PDZRN4: variants seen among roughly 807,000 people sequenced by gnomAD.
PDZRN4 encodes the protein PDZ domain containing ring finger 4.
In PDZRN4, 70 loss-of-function variants were observed where a neutral mutation model predicts 99.0. The ratio of observed to expected loss-of-function variants is 0.71; its 90% CI spans 0.58 to 0.86. PDZRN4 has a LOEUF of 0.86. Ranked by LOEUF, PDZRN4 falls within the 40% of genes least tolerant of loss-of-function variation. The pLI, the probability that PDZRN4 is intolerant of heterozygous loss-of-function variation, is 0.00. For synonymous variants in PDZRN4, 551 were observed against 501.6 expected, an observed-to-expected ratio of 1.10 and a Z score of -1.32; for missense variants, 1,474 against 1,331.2, an observed-to-expected ratio of 1.11 and a Z score of -1.67.
intron 3 of PDZRN4, among the ~76,000 whole-genome samples, chr12:41,286,541 T>C (rs1170438884): frequency 1.3e-5 from 2 of 152,166 alleles, no homozygotes; most frequent in East Asian, 1.9e-4. Context: ...TTGTGTACAA[T>C]GGCTGTTTCA....
intron 5 of PDZRN4, among the ~76,000 whole-genome samples, chr12:41,514,744 T>C (rs908861980): frequency 2.0e-5 from 3 of 152,120 alleles, no homozygotes; most frequent in Non-Finnish European, 4.4e-5. Context: ...GGAAAAGAAC[T>C]TGGGACCACT....
intron 3 of PDZRN4, among the ~76,000 whole-genome samples, chr12:41,496,043 G>T (rs1483098719): frequency 1.3e-5 from 2 of 152,076 alleles, no homozygotes; most frequent in Admixed American, 1.3e-4. Context: ...CAGATTGTAA[G>T]AGCAGGTGCC....
intron 3 of PDZRN4, among the ~76,000 whole-genome samples, chr12:41,417,595 G>T (rs767563078): frequency 6.6e-6 from 1 of 152,138 alleles, no homozygotes; most frequent in Non-Finnish European, 1.5e-5. Flanking sequence ...AGGCCACTAA[G>T]GATGCAATGT....
intron 3 of PDZRN4, among the ~76,000 whole-genome samples, chr12:41,429,400 A>G (rs1227254827): frequency 1.3e-5 from 2 of 152,230 alleles, no homozygotes. Flanking sequence ...CTTAGGTTTT[A>G]TTCAATCTGT....
intron 3 of PDZRN4, among the ~76,000 whole-genome samples, chr12:41,232,709 C>T (rs187480303): frequency 3.7e-4 from 57 of 152,046 alleles, no homozygotes; most frequent in Non-Finnish European, 8.8e-5. Context: ...CTTTTGTTGC[C>T]GTTGCTTTTG....
intron 3 of PDZRN4, among the ~76,000 whole-genome samples, chr12:41,383,853 G>C (rs1248588909): frequency 6.7e-6 from 1 of 149,718 alleles, no homozygotes; most frequent in East Asian, 1.9e-4. Flanking sequence ...TCATGGAATA[G>C]AGTAGTCAAT....
chr12:41,260,980 T>G lies in PDZRN4; in HGVS notation c.843+66792T>G, dbSNP rs369928715. 1.3e-4 allele frequency among the ~76,000 whole-genome samples: 20 copies of G among 152,282 alleles called. 1 individual carries two copies. Among genetic ancestry groups the G allele is most frequent in the African/African-American group, 4.8e-4 (20 of 41,564 alleles). ...TGGAAATCAAATTCCATGATTTATC[T>G]CTCCCTTTTAATTAGAAAAAAACAT... On this transcript the variant is annotated intron_variant, in intron 3 of 9. Coordinates refer to ENST00000402685, the MANE Select transcript of PDZRN4 (RefSeq NM_001164595.2).
In PDZRN4 at chr12:41,189,022, G is replaced by C. The variant is rs1165628155; in HGVS notation, c.567G>C (p.Ala189=). The C allele has an allele frequency of 2.6e-6, 4 of 1,561,536 alleles. No individual in the cohort carries two copies. Among genetic ancestry groups the C allele is most frequent in the Non-Finnish European group, 2.6e-6 (3 of 1,161,976 alleles). Residue 189 remains alanine, a synonymous_variant, in exon 1 of 10, where the codon GCG becomes GCC. Coordinates refer to ENST00000402685, the MANE Select transcript of PDZRN4 (RefSeq NM_001164595.2). The part of the protein sequence containing the change: ...WALQGEVQLT[A]RRYQEKFTQY... ...TGCAGGGCGAGGTGCAGCTCACGGC[G>C]CGCAGGTACCAGGAGAAGTTCACCC...
At chr12:41,289,664 C>T (rs1238944200) in intron 3 of PDZRN4, among the ~76,000 whole-genome samples, 3 of 152,170 alleles carry the variant, frequency 2.0e-5, no homozygotes, top group African/African-American at 7.2e-5. Context: ...CATGCTTTCA[C>T]GCATTTCAAA....
In PDZRN4 at chr12:41,574,559, A is replaced by G. The variant is rs879441863; in HGVS notation, c.*669A>G. 4 of 152,678 alleles carry G rather than the reference A, an allele frequency of 2.6e-5. No homozygotes were observed. Among genetic ancestry groups the G allele is most frequent in the Non-Finnish European group, 4.4e-5 (3 of 68,036 alleles). The allele number at this position is 152,678 out of a possible 1,614,324, so 9.5% of individuals were successfully genotyped here. ...ATGGTAATTGTGACAATTAAAGAGA[A>G]ATAAATTATTGATTATCCTTCAGAA... is the stretch of plus-strand genomic sequence containing the variant. On this transcript the variant is annotated 3_prime_UTR_variant, in exon 10 of 10. Transcript: ENST00000402685.
At chr12:41,399,420 A>G (rs1194885370) in intron 3 of PDZRN4, among the ~76,000 whole-genome samples, 3 of 152,154 alleles carry the variant, frequency 2.0e-5, no homozygotes, top group Non-Finnish European at 4.4e-5. Context: ...ACACTTAAAA[A>G]TTTACAAATT....
rs777071194 is a variant in PDZRN4, at chr12:41,572,706, T to G, written c.1927T>G (p.Tyr643Asp). 20 of 1,613,734 alleles carry G rather than the reference T, an allele frequency of 1.2e-5. No homozygotes were observed. The highest frequency in any genetic ancestry group is 1.7e-5 in the Non-Finnish European group (20 of 1,179,950). Residue 643 changes from tyrosine (Y) to aspartate (D), a missense_variant, in exon 10 of 10, where the codon TAT (tyrosine) becomes GAT (aspartate). Physicochemically the swap from Tyr to Asp is radical, Grantham distance 160. Coordinates refer to ENST00000402685, the MANE Select transcript of PDZRN4 (RefSeq NM_001164595.2). ...LKCKIRNHGEYDLYYSSSTIE... is the reference protein window; with the variant it reads ...LKCKIRNHGEDDLYYSSSTIE... ...ATGCAAGATTCGAAATCATGGAGAGTATGACCTGTATTACTCAAGCAGCAC... is the reference window on the plus strand; with the variant it reads ...ATGCAAGATTCGAAATCATGGAGAGGATGACCTGTATTACTCAAGCAGCAC...
At chr12:41,210,626 A>C (rs917443596) in intron 3 of PDZRN4, among the ~76,000 whole-genome samples, 2 of 152,000 alleles carry the variant, frequency 1.3e-5, no homozygotes, top group Non-Finnish European at 2.9e-5. Context: ...ACAGTTATTG[A>C]AAAATGAAAC....
At chr12:41,495,224 T>C (rs1212136056) in intron 3 of PDZRN4, among the ~76,000 whole-genome samples, 2 of 152,006 alleles carry the variant, frequency 1.3e-5, no homozygotes, top group Non-Finnish European at 2.9e-5. Flanking sequence ...GCTAGGTTGG[T>C]AATAACTGGA....
At chr12:41,532,458 A>AT (rs1938677496) in intron 5 of PDZRN4, among the ~76,000 whole-genome samples, 1 of 152,210 alleles carries the variant, frequency 6.6e-6, no homozygotes, top group South Asian at 2.1e-4. Flanking sequence ...AATGTTATAG[A>AT]TTTTGAATCT....
At chr12:41,339,860 A>T (rs1445273337) in intron 3 of PDZRN4, among the ~76,000 whole-genome samples, 1 of 152,142 alleles carries the variant, frequency 6.6e-6, no homozygotes, top group African/African-American at 2.4e-5. Context: ...ATGCAAATCA[A>T]AACTAAAATG....
chr12:41,388,913 T>C (rs958932531), intron 3 of PDZRN4, among the ~76,000 whole-genome samples: 1 of 152,188 alleles, frequency 6.6e-6, no homozygotes, highest in African/African-American at 2.4e-5. Flanking sequence ...CTATGTCTTC[T>C]TCATGTATAC....
intron 3 of PDZRN4, among the ~76,000 whole-genome samples, chr12:41,219,823 C>A (rs1178028054): frequency 6.6e-6 from 1 of 152,092 alleles, no homozygotes; most frequent in Non-Finnish European, 1.5e-5. Flanking sequence ...TTAGGAATTC[C>A]ATTTATTCAG....
intron 3 of PDZRN4, among the ~76,000 whole-genome samples, chr12:41,443,812 AT>A (rs1244386607): frequency 6.6e-6 from 1 of 152,100 alleles, no homozygotes; most frequent in Non-Finnish European, 1.5e-5. Context: ...GGAAGAGGAG[AT>A]TGTTGATTTC....
Sources: allele counts gnomAD v4.1 joint callset (sites outside exome capture counted in the v4.1 genomes callset), GRCh38; gene constraint gnomAD v4.1.1; transcripts MANE v1.5; gene names NCBI Gene and HGNC (gene_info 2026-07-23, HGNC 2026-07-21).